RNF213: variants seen among roughly 807,000 people sequenced by gnomAD.
RNF213 encodes ring finger protein 213, also known as E3 ubiquitin-protein ligase RNF213.
A neutral mutation model predicts 514.4 loss-of-function variants in RNF213; 341 were observed. The observed-to-expected ratio is 0.66, with a 90% CI of 0.61 to 0.73. The LOEUF is 0.73. RNF213 is among the 30% of genes least tolerant of loss of function. RNF213 has a pLI of 0.00. For synonymous variants in RNF213, 2,655 were observed against 2,658.2 expected (o/e 1.00, Z 0.04); for missense variants, 5,767 against 6,615.6 (o/e 0.87, Z 4.45).
chr17:80,382,007 C>T, intron 57 of RNF213: 2 of 454,998 alleles, frequency 4.4e-6, no homozygotes, highest in Non-Finnish European at 8.2e-6. Flanking sequence ...TCGGGAGCGT[C>T]TGCACGCAAG....
chr17:80,341,784 A>AT (rs1159858716), intron 26 of RNF213: 3 of 152,046 alleles, frequency 2.0e-5, no homozygotes, highest in Non-Finnish European at 4.4e-5. Context: ...ATAATACCAT[A>AT]TTTTTTACTG....
At chr17:80,333,209 C>T (rs891193794) in intron 21 of RNF213, among the ~76,000 whole-genome samples, 17 of 135,934 alleles carry the variant, frequency 1.3e-4, no homozygotes, top group South Asian at 9.6e-4. Flanking sequence ...CAACCACGCC[C>T]GGCTAATTTT....
intron 54 of RNF213, among the ~76,000 whole-genome samples, chr17:80,378,871 T>A (rs1272322816): frequency 6.6e-6 from 1 of 152,166 alleles, no homozygotes; most frequent in Non-Finnish European, 1.5e-5. Context: ...GTGATTAGAT[T>A]TTTTTAAATA....
intron 18 of RNF213, among the ~76,000 whole-genome samples, chr17:80,326,549 T>G (rs534113405): frequency 2.0e-5 from 3 of 152,298 alleles, no homozygotes; most frequent in African/African-American, 7.2e-5. Context: ...TGTCCACCAT[T>G]CCAGTATCGT....
At chr17:80,295,410 AC>A in intron 9 of RNF213, 146 bp from the exon 10 acceptor site, 2 of 1,003,728 alleles carry the variant, frequency 2.0e-6, no homozygotes, top group Non-Finnish European at 3.0e-6. Flanking sequence ...TCTTGGCTGC[AC>A]TGCAGCTCCT....
chr17:80,350,233 T>C (rs1482445711), intron 30 of RNF213, 68 bp from the exon 31 acceptor site: 9 of 995,002 alleles, frequency 9.0e-6, no homozygotes, highest in South Asian at 1.3e-5. Context: ...TCCCATCACT[T>C]TGGGGAATTT....
rs1754164684 is a variant in RNF213 at position 80,397,538 on chromosome 17, CCTGTT to C, written c.*4047_*4051del. On this transcript the variant is annotated 3_prime_UTR_variant, in exon 68 of 68. Transcript: ENST00000582970. ...AGAAAAGCACCGTGAAAATCCCTGT[CCTGTT>C]CTGTTCCGTTCTAATTACGGGTGCA... 1 of 151,978 alleles carries C rather than the reference CCTGTT, an allele frequency of 6.6e-6. No individual in the cohort carries two copies. The allele number at this position is 151,978 out of a possible 1,614,324, so 9.4% of individuals were successfully genotyped here.
chr17:80,393,866 CCTCTTT>C lies in RNF213; in HGVS notation c.*369_*374del, dbSNP rs1568179784. 4.0e-6 allele frequency: 1 copy of C among 249,800 alleles called. No individual in the cohort carries two copies. The highest frequency in any genetic ancestry group is 2.3e-5 in the African/African-American group (1 of 44,238). The allele number at this position is 249,800 out of a possible 1,614,324, so 15.5% of individuals were successfully genotyped here. ...CCGTTCGCCTCTGGCACTGCCCACC[CCTCTTT>C]TTTTTTTTCTTCTAATTCTGTACTC... is the stretch of plus-strand genomic sequence containing the variant. On this transcript the variant is annotated 3_prime_UTR_variant, in exon 68 of 68. Transcript: ENST00000582970.
At chr17:80,300,727 T>A (rs1367310348) in intron 11 of RNF213, among the ~76,000 whole-genome samples, 3 of 151,868 alleles carry the variant, frequency 2.0e-5, no homozygotes, top group Non-Finnish European at 4.4e-5. Flanking sequence ...AATTTTTGTA[T>A]TTTTAGTAGA....
intron 29 of RNF213, among the ~76,000 whole-genome samples, chr17:80,348,816 C>T (rs1247546799): frequency 6.6e-6 from 1 of 152,148 alleles, no homozygotes; most frequent in Non-Finnish European, 1.5e-5. Flanking sequence ...GCTGACAGCT[C>T]TTAGGGTTCA....
chr17:80,373,291 C>A (rs2079598991), intron 49 of RNF213, 126 bp downstream of exon 49: 1 of 699,286 alleles, frequency 1.4e-6, no homozygotes. Context: ...CCTTCCCCAC[C>A]ACATACCCTC....
Position 80,375,773 on chromosome 17 carries a change from C to A in RNF213, c.13088C>A (p.Pro4363His), listed in dbSNP as rs777187259. 1.1e-5 allele frequency: 18 copies of A among 1,613,854 alleles called. No homozygotes were observed. Among genetic ancestry groups the A allele is most frequent in the Non-Finnish European group, 1.4e-5 (17 of 1,179,778 alleles). The change falls in exon 51 of 68, where the codon CCC becomes CAC. Residue 4363 changes from proline (P) to histidine (H), a missense_variant. Pro to His is a moderately conservative substitution (Grantham distance 77). This residue lies in a region of RNF213 where 1,245 missense variants were observed against 1,339.0 expected (regional missense o/e 0.93). Transcript: ENST00000582970. ...IKTALKACKT[P>H]QSQQSAYFLL... ...TTGATTTTGCAGGCCTGCAAGACCC[C>A]CCAAAGCCAGCAGTCAGCCTACTTC...
In RNF213 at chr17:80,377,899, A is replaced by C. The variant is rs1240257347; in HGVS notation, c.13545+103A>C. The C allele has an allele frequency of 3.0e-6, 4 of 1,338,286 alleles. No individual in the cohort carries two copies. The East Asian group carries it at 9.2e-5, about 31-fold the overall frequency. 82.9% of individuals were successfully genotyped at this position (1,338,286 alleles called of 1,614,324 possible). A position where few individuals can be genotyped will look rare whatever the true frequency, so the allele number is the denominator to read the frequency against. ...AGAGTGAGGCTCTCGGCCTTCCAGG[A>C]GAGCACAGGCTCACCGAGGACTGCC... On this transcript the variant is annotated intron_variant, in intron 54 of 67. Coordinates refer to ENST00000582970, the MANE Select transcript of RNF213 (RefSeq NM_001256071.3). This position sits in a 1 kb window ranked among gnomAD's most constrained non-coding sequence, Gnocchi z 4.1.
chr17:80,393,304 T>C, intron 67 of RNF213, 41 bp from the exon 68 acceptor site: 3 of 1,603,760 alleles, frequency 1.9e-6, no homozygotes, highest in Non-Finnish European at 2.6e-6. Flanking sequence ...GCCACCATGC[T>C]GAGGAGACTG....
intron 26 of RNF213, chr17:80,340,609 GTTTTTTTTTTTTTT>G (rs747785477): frequency 4.6e-5 from 6 of 130,098 alleles, no homozygotes; most frequent in Admixed American, 1.3e-4. Flanking sequence ...GTACTTTGTG[GTTTTTTTTTTTTTT>G]TTTTTTTTTT....
chr17:80,280,894 C>T (rs967656106), intron 3 of RNF213, among the ~76,000 whole-genome samples: 1 of 152,072 alleles, frequency 6.6e-6, no homozygotes, highest in African/African-American at 2.4e-5. Context: ...CACGGAGTAA[C>T]AGAGGCGCGA....
intron 15 of RNF213, among the ~76,000 whole-genome samples, chr17:80,313,825 TGGTGGAGGTGATGGTGGA>T (rs2045689417): frequency 9.9e-6 from 1 of 101,494 alleles, no homozygotes; most frequent in African/African-American, 4.1e-5. Flanking sequence ...GTGATGGTGG[TGGTGGAGGTGATGGTGGA>T]GGTACTGGAG....
Position 80,331,991 on chromosome 17 carries a change from T to G in RNF213, c.3518-15T>G. On this transcript the variant is annotated splice_polypyrimidine_tract_variant and intron_variant, in intron 20 of 67. Coordinates refer to ENST00000582970, the MANE Select transcript of RNF213 (RefSeq NM_001256071.3). Reference sequence around the variant, plus strand: ...TAGAGCTTTGACTTCTGACACTTTCTTTTCGCTTCTAAAGTGGACTTTGGA... The same window carrying G: ...TAGAGCTTTGACTTCTGACACTTTCGTTTCGCTTCTAAAGTGGACTTTGGA... The G allele has an allele frequency of 6.6e-7, 1 of 1,525,824 alleles. No homozygotes were observed. The highest frequency in any genetic ancestry group is 8.8e-7 in the Non-Finnish European group (1 of 1,138,928). 94.5% of individuals were successfully genotyped at this position (1,525,824 alleles called of 1,614,324 possible).
chr17:80,262,196 G>A (rs986646425), intron 1 of RNF213, among the ~76,000 whole-genome samples: 13 of 152,120 alleles, frequency 8.5e-5, no homozygotes, highest in African/African-American at 3.1e-4. Flanking sequence ...GAGGAGGTAC[G>A]GTGGGAGCCA....
Sources: gnomAD v4.1 joint callset for allele counts (sites outside exome capture counted in the v4.1 genomes callset) on GRCh38, gnomAD v4.1.1 for gene constraint, gnomAD v4.1.1 regional missense constraint, Gnocchi (gnomAD v3.1) non-coding constraint, MANE v1.5 for transcripts, NCBI Gene and HGNC (gene_info 2026-07-23, HGNC 2026-07-21) for gene names.